SMARCD3: variants seen among roughly 807,000 people sequenced by gnomAD.
The protein encoded by SMARCD3 is SWI/SNF related BAF chromatin remodeling complex subunit D3.
A neutral mutation model predicts 58.0 loss-of-function variants in SMARCD3; 14 were observed. The observed-to-expected ratio is 0.24, with a 90% CI of 0.16 to 0.38. The LOEUF (loss-of-function observed/expected upper bound fraction) is 0.38. Ranked by LOEUF, SMARCD3 falls within the 10% of genes least tolerant of loss-of-function variation. The probability of loss-of-function intolerance (pLI) is 1.00; values close to 1 mark genes in which losing one functional copy is unlikely to be tolerated. For synonymous variants in SMARCD3, 253 were observed against 253.8 expected (o/e 1.00, Z 0.03); for missense variants, 408 against 636.9 (o/e 0.64, Z 3.87).
At chr7:151,264,408 C>A (rs184599435) in intron 2 of SMARCD3, among the ~76,000 whole-genome samples, 7 of 152,260 alleles carry the variant, frequency 4.6e-5, no homozygotes, top group African/African-American at 4.8e-5. Context: ...TCAGCTCCTG[C>A]CTTGGAAAGT....
rs1802808214 is a variant in SMARCD3, at chr7:151,239,043, C to G, written c.*60G>C. On this transcript the variant is annotated 3_prime_UTR_variant, in exon 13 of 13. Transcript: ENST00000262188. This position sits in a 1 kb window ranked among gnomAD's most constrained non-coding sequence, Gnocchi z 7.0. ...AGAGGAGTGATGCTGGAGCCCGGGG[C>G]AAAATGCTGGGGCCCGGGACACGGC... 1.3e-6 allele frequency: 2 copies of G among 1,550,036 alleles called. No homozygotes were observed. The highest frequency in any genetic ancestry group is 1.4e-5 in the African/African-American group (1 of 73,538).
At position 151,239,534 on chromosome 7, in the gene SMARCD3, T is replaced by A. The variant is rs1802843702; in HGVS notation, c.1297-37A>T. ...CGTGGGGTGAGCCCTGAGCCCTGAA[T>A]CCCCTCACCTGCCCCTGGAGTACAA... is the stretch of plus-strand genomic sequence containing the variant. On this transcript the variant is annotated intron_variant, in intron 11 of 12. Transcript: ENST00000262188. The surrounding 1 kb of genome is among the most constrained non-coding windows in gnomAD (Gnocchi z 7.0). 2 of 1,607,668 alleles carry A rather than the reference T, an allele frequency of 1.2e-6. No homozygotes were observed. Among genetic ancestry groups the A allele is most frequent in the East Asian group, 4.5e-5 (2 of 44,764 alleles).
intron 2 of SMARCD3, among the ~76,000 whole-genome samples, chr7:151,267,326 G>C (rs1366795989): frequency 6.6e-6 from 1 of 152,220 alleles, no homozygotes; most frequent in Non-Finnish European, 1.5e-5. Flanking sequence ...AAGGCGTAGA[G>C]AGTTCTTTAA....
intron 2 of SMARCD3, among the ~76,000 whole-genome samples, chr7:151,274,459 A>G (rs2150619882): frequency 6.6e-6 from 1 of 152,336 alleles, no homozygotes; most frequent in Middle Eastern, 3.4e-3. Context: ...AGGCCCTACA[A>G]GCAAGCAATG....
chr7:151,244,743 C>A (rs1235055769), intron 2 of SMARCD3, among the ~76,000 whole-genome samples: 1 of 152,164 alleles, frequency 6.6e-6, no homozygotes, highest in Non-Finnish European at 1.5e-5. Context: ...ATTGATATTA[C>A]ACCTTTTATA....
At position 151,243,405 on chromosome 7, in the gene SMARCD3, C is replaced by T. The variant is rs1489617312; in HGVS notation, c.333+254G>A. 6.6e-6 allele frequency among the ~76,000 whole-genome samples: 1 copy of T among 152,226 alleles called. No individual in the cohort carries two copies. Among genetic ancestry groups the T allele is most frequent in the Non-Finnish European group, 1.5e-5 (1 of 68,040 alleles). On this transcript the variant is annotated intron_variant, in intron 3 of 12. Transcript: ENST00000262188. The surrounding 1 kb of genome is among the most constrained non-coding windows in gnomAD (Gnocchi z 4.4). ...CTGATCCCCTAGCTCTTGCCCCCTC[C>T]TGGTCCCACAGCTCTATAGTACCAC...
At position 151,242,216 on chromosome 7, in the gene SMARCD3, C is replaced by G; in HGVS notation, c.596G>C (p.Arg199Pro). The G allele has an allele frequency of 1.8e-5, 29 of 1,613,946 alleles. No individual in the cohort carries two copies. Among genetic ancestry groups the G allele is most frequent in the Non-Finnish European group, 2.5e-5 (29 of 1,179,852 alleles). The change falls in exon 6 of 13, where the codon CGG becomes CCG. Residue 199 changes from arginine to proline, a missense_variant. Transcript: ENST00000262188. The surrounding 1 kb of genome is among the most constrained non-coding windows in gnomAD (Gnocchi z 4.7). ...ACTCTTGAAGAAAGAAGAGAACTTC[C>G]GCTTCTGTTTGCTGGGCTGTGGGAG... ...KLLDDPSKQK[R>P]KFSSFFKSLV...
In SMARCD3 at chr7:151,239,386, C is replaced by T; in HGVS notation, c.1398+10G>A. On this transcript the variant is annotated intron_variant, in intron 12 of 12. Transcript: ENST00000262188. The surrounding 1 kb of genome is among the most constrained non-coding windows in gnomAD (Gnocchi z 7.0). ...GATGGGGAAGCCTCAGGGCAAGGGT[C>T]CCTGCATACCTTGCAGTAGAAGTAG... The T allele has an allele frequency of 6.3e-7, 1 of 1,597,492 alleles. No individual in the cohort carries two copies. The highest frequency in any genetic ancestry group is 2.2e-5 in the East Asian group (1 of 44,764).
chr7:151,243,617 AGGGTGGG>A lies in SMARCD3; in HGVS notation c.333+35_333+41del. 2 of 962,032 alleles carry A rather than the reference AGGGTGGG, an allele frequency of 2.1e-6. No individual in the cohort carries two copies. The highest frequency in any genetic ancestry group is 3.2e-6 in the Non-Finnish European group (2 of 618,322). The allele number at this position is 962,032 out of a possible 1,614,324, so 59.6% of individuals were successfully genotyped here. A position where few individuals can be genotyped will look rare whatever the true frequency, so the allele number is the denominator to read the frequency against. ...GGGGGAGGGGAGGGCGGAGCAGCAA[AGGGTGGG>A]GGGTGGGCTGGGGGCTGCTGTGAAA... On this transcript the variant is annotated intron_variant, in intron 3 of 12. Transcript: ENST00000262188. The surrounding 1 kb of genome is among the most constrained non-coding windows in gnomAD (Gnocchi z 4.4).
intron 2 of SMARCD3, among the ~76,000 whole-genome samples, chr7:151,259,600 A>AGTTTTTTT (rs1395016505): frequency 0.023 from 1,554 of 67,676 alleles, 71 homozygotes; most frequent in Middle Eastern, 0.041. Context: ...ACAACCTGAG[A>AGTTTTTTT]GTTTTTTTTT....
chr7:151,245,673 T>TG lies in SMARCD3; in HGVS notation c.79-3dup, dbSNP rs1366847304. 3.9e-6 allele frequency: 2 copies of TG among 508,698 alleles called. No homozygotes were observed. The highest frequency in any genetic ancestry group is 5.8e-5 in the Admixed American group (1 of 17,386). 31.5% of individuals were successfully genotyped at this position (508,698 alleles called of 1,614,324 possible). The stretch of plus-strand genomic sequence containing the variant: ...GGCTCCAGACGGCATCCCGGGGCGC[T>TG]GGGGGTGGGCGGGGGTGAAGCAGAA... On this transcript the variant is annotated splice_polypyrimidine_tract_variant and splice_region_variant and intron_variant, in intron 1 of 12. Transcript: ENST00000262188. The surrounding 1 kb of genome is among the most constrained non-coding windows in gnomAD (Gnocchi z 6.2).
At chr7:151,267,441 TCCC>T (rs1795027263) in intron 2 of SMARCD3, among the ~76,000 whole-genome samples, 1 of 152,214 alleles carries the variant, frequency 6.6e-6, no homozygotes, top group Non-Finnish European at 1.5e-5. Flanking sequence ...ATCTGACTGC[TCCC>T]CCATTCGTTA....
In SMARCD3 at chr7:151,241,478, A is replaced by T. The variant is rs1185916094; in HGVS notation, c.939+14T>A. The T allele has an allele frequency of 6.2e-7, 1 of 1,608,182 alleles. No homozygotes were observed. The highest frequency in any genetic ancestry group is 1.1e-5 in the South Asian group (1 of 89,968). On this transcript the variant is annotated intron_variant, in intron 8 of 12. Transcript: ENST00000262188. This position sits in a 1 kb window ranked among gnomAD's most constrained non-coding sequence, Gnocchi z 5.3. The stretch of plus-strand genomic sequence containing the variant: ...GCCTGCTCCCCAGATCCCAGGGTTC[A>T]GGAGAGAGGTTACCTGCTGGAAATA...
chr7:151,264,946 G>C (rs1488436929), intron 2 of SMARCD3, among the ~76,000 whole-genome samples: 5 of 152,206 alleles, frequency 3.3e-5, no homozygotes, highest in Non-Finnish European at 5.9e-5. Flanking sequence ...ACAGTGGCAG[G>C]GAGTCGACCT....
intron 8 of SMARCD3, chr7:151,240,877 G>A (rs889953183): frequency 6.7e-6 from 2 of 296,390 alleles, no homozygotes; most frequent in Non-Finnish European, 1.3e-5. Context: ...ATCTCCCAGG[G>A]CTGCCGTGAG....
At chr7:151,265,037 A>G (rs768396419) in intron 2 of SMARCD3, among the ~76,000 whole-genome samples, 8 of 152,158 alleles carry the variant, frequency 5.3e-5, no homozygotes, top group South Asian at 2.1e-4. Flanking sequence ...GGCTCTGACC[A>G]TCTCGCTCCT....
chr7:151,244,971 G>A (rs1355671217), intron 2 of SMARCD3, among the ~76,000 whole-genome samples: 1 of 152,162 alleles, frequency 6.6e-6, no homozygotes, highest in Non-Finnish European at 1.5e-5. Context: ...CCTACCCACA[G>A]GGCAAATCCC....
intron 2 of SMARCD3, among the ~76,000 whole-genome samples, chr7:151,262,468 A>G (rs764223218): frequency 2.0e-5 from 3 of 152,202 alleles, no homozygotes; most frequent in Non-Finnish European, 4.4e-5. Context: ...ACGGCATCCA[A>G]AGAAAAGTAG....
Position 151,245,619 on chromosome 7 carries a change from C to T in SMARCD3, c.131G>A (p.Gly44Asp). 1 of 1,182,834 alleles carries T rather than the reference C, an allele frequency of 8.5e-7. No homozygotes were observed. The highest frequency in any genetic ancestry group is 1.1e-6 in the Non-Finnish European group (1 of 943,826). The allele number at this position is 1,182,834 out of a possible 1,614,324, so 73.3% of individuals were successfully genotyped here. A position where few individuals can be genotyped will look rare whatever the true frequency, so the allele number is the denominator to read the frequency against. The change falls in exon 2 of 13, where the codon GGC (glycine) becomes GAC (aspartate). Residue 44 changes from glycine to aspartate, a missense_variant. Gly to Asp is a moderately conservative substitution (Grantham distance 94, BLOSUM62 -1). Transcript: ENST00000262188. This position sits in a 1 kb window ranked among gnomAD's most constrained non-coding sequence, Gnocchi z 6.2. Reference sequence around the variant, plus strand: ...GCCCATGTACGGGGAGCCCGGGGGGCCCATGGGCGCCCCCTGGTGGGGCAT... The same window carrying T: ...GCCCATGTACGGGGAGCCCGGGGGGTCCATGGGCGCCCCCTGGTGGGGCAT... ...ARMPHQGAPM[G>D]PPGSPYMGSP...
Sources: gnomAD v4.1 joint callset for allele counts (sites outside exome capture counted in the v4.1 genomes callset) on GRCh38, gnomAD v4.1.1 for gene constraint, Gnocchi (gnomAD v3.1) non-coding constraint, MANE v1.5 for transcripts, NCBI Gene and HGNC (gene_info 2026-07-23, HGNC 2026-07-21) for gene names.